PITPNM3: variants seen among roughly 807,000 people sequenced by gnomAD.
PITPNM3 encodes the protein PITPNM family member 3, also known as membrane-associated phosphatidylinositol transfer protein 3.
In PITPNM3, 26 loss-of-function variants were observed where a neutral mutation model predicts 102.0. The ratio of observed to expected loss-of-function variants is 0.25; its 90% CI spans 0.19 to 0.35. PITPNM3 has a LOEUF of 0.35. Among genes scored for constraint, PITPNM3 ranks in the 10% least tolerant of loss-of-function variants. The probability of loss-of-function intolerance (pLI) is 1.00; values close to 1 mark genes in which losing one functional copy is unlikely to be tolerated. For missense variants in PITPNM3, 1,083 were observed against 1,346.1 expected (o/e 0.80, Z 3.06); for synonymous variants, 578 against 558.6 (o/e 1.03, Z -0.49).
chr17:6,511,498 T>C (rs1454735715), intron 3 of PITPNM3, among the ~76,000 whole-genome samples: 1 of 152,214 alleles, frequency 6.6e-6, no homozygotes, highest in African/African-American at 2.4e-5. Context: ...GAGGCAGGAC[T>C]GGTTACATAA....
At chr17:6,490,962 CA>C (rs755419317) in intron 4 of PITPNM3, among the ~76,000 whole-genome samples, 1,298 of 51,660 alleles carry the variant, frequency 0.025, 50 homozygotes, top group African/African-American at 0.087. Flanking sequence ...ACTCTGTCAC[CA>C]AAAAAAAAAA....
At chr17:6,529,059 C>T (rs775416243) in intron 2 of PITPNM3, among the ~76,000 whole-genome samples, 7 of 152,136 alleles carry the variant, frequency 4.6e-5, no homozygotes, top group Non-Finnish European at 8.8e-5. Context: ...ACCTCTGCTT[C>T]GGACATGGTT....
chr17:6,455,081 C>A lies in PITPNM3; in HGVS notation c.*257G>T. On this transcript the variant is annotated 3_prime_UTR_variant, in exon 20 of 20. Coordinates refer to ENST00000262483, the MANE Select transcript of PITPNM3 (RefSeq NM_031220.4). ...CCCCAGGATGACACAAACATGAACC[C>A]TGACTTGGGCTTGCGGTCGCAGGCC... The A allele has an allele frequency of 1.9e-6, 1 of 536,414 alleles. No individual in the cohort carries two copies. The highest frequency in any genetic ancestry group is 3.3e-5 in the East Asian group (1 of 30,500). 33.2% of individuals were successfully genotyped at this position (536,414 alleles called of 1,614,324 possible).
chr17:6,496,973 C>G (rs1189832728), intron 4 of PITPNM3, among the ~76,000 whole-genome samples: 1 of 152,066 alleles, frequency 6.6e-6, no homozygotes, highest in African/African-American at 2.4e-5. Flanking sequence ...TGCACACATA[C>G]AAGTGCAAGG....
chr17:6,481,643 C>CTCTCTGGCCTT (rs1290288126), intron 6 of PITPNM3: 1 of 152,008 alleles, frequency 6.6e-6, no homozygotes, highest in Non-Finnish European at 1.5e-5. Flanking sequence ...CCAGGAAGTC[C>CTCTCTGGCCTT]TCTCTGGCCT....
In PITPNM3 at chr17:6,457,865, C is replaced by A; in HGVS notation, c.2491-143G>T. ...TCCAAGCCATGGGGCCACCCTGTGT[C>A]AGGAATGAACCCTCAGAGTGGCTGC... On this transcript the variant is annotated intron_variant, in intron 18 of 19. Transcript: ENST00000262483. The surrounding 1 kb of genome is among the most constrained non-coding windows in gnomAD (Gnocchi z 4.7). 8.0e-7 allele frequency: 1 copy of A among 1,244,328 alleles called. No individual in the cohort carries two copies. Among genetic ancestry groups the A allele is most frequent in the Non-Finnish European group, 1.1e-6 (1 of 887,154 alleles). 77.1% of individuals were successfully genotyped at this position (1,244,328 alleles called of 1,614,324 possible). A position where few individuals can be genotyped will look rare whatever the true frequency, so the allele number is the denominator to read the frequency against.
intron 1 of PITPNM3, among the ~76,000 whole-genome samples, chr17:6,551,262 C>T (rs972768163): frequency 2.0e-5 from 3 of 151,796 alleles, no homozygotes; most frequent in Non-Finnish European, 2.9e-5. Flanking sequence ...GAGGCTGAGG[C>T]GGGAGAATGG....
In PITPNM3 at chr17:6,464,202, C is replaced by T. The variant is rs766085241; in HGVS notation, c.2124G>A (p.Gly708=). Residue 708 remains glycine, a synonymous_variant, in exon 16 of 20, where the codon GGG becomes GGA. Coordinates refer to ENST00000262483, the MANE Select transcript of PITPNM3 (RefSeq NM_031220.4). ...TYNVPRPRRL[G]VGVYPVKMVV... The stretch of plus-strand genomic sequence containing the variant: ...CCATCTTCACAGGATAGACACCAAC[C>T]CCCAGGCGCCGGGGCCGCGGCACAT... 1.2e-6 allele frequency: 2 copies of T among 1,614,100 alleles called. No individual in the cohort carries two copies. The highest frequency in any genetic ancestry group is 2.2e-5 in the South Asian group (2 of 91,090).
At position 6,470,361 on chromosome 17, in the gene PITPNM3, A is replaced by G; in HGVS notation, c.1672T>C (p.Cys558Arg). 1 of 1,614,186 alleles carries G rather than the reference A, an allele frequency of 6.2e-7. No individual in the cohort carries two copies. Among genetic ancestry groups the G allele is most frequent in the East Asian group, 2.2e-5 (1 of 44,888 alleles). Residue 558 changes from cysteine to arginine, a missense_variant, in exon 13 of 20, where the codon TGC becomes CGC. Cys to Arg is a radical substitution (Grantham distance 180). Transcript: ENST00000262483. The surrounding 1 kb of genome is among the most constrained non-coding windows in gnomAD (Gnocchi z 4.8). ...GGGAAGGCCGTGAGGACATCAGGGC[A>G]GTACAGGGCATAGTCGATCCTCTTG... ...GSKRIDYALYCPDVLTAFPTV... is the reference protein window; with the variant it reads ...GSKRIDYALYRPDVLTAFPTV...
rs1356912899 is a variant in PITPNM3 at position 6,457,734 on chromosome 17, G to C, written c.2491-12C>G. On this transcript the variant is annotated splice_polypyrimidine_tract_variant and intron_variant, in intron 18 of 19. Coordinates refer to ENST00000262483, the MANE Select transcript of PITPNM3 (RefSeq NM_031220.4). This position sits in a 1 kb window ranked among gnomAD's most constrained non-coding sequence, Gnocchi z 4.7. ...ATTTTGATGAAGCACTGAAACACAG[G>C]GCAGGCATAGGGGGAGAGTGAGGCC... is the stretch of plus-strand genomic sequence containing the variant. The C allele has an allele frequency of 6.4e-7, 1 of 1,571,772 alleles. No homozygotes were observed. Among genetic ancestry groups the C allele is most frequent in the Admixed American group, 1.9e-5 (1 of 53,512 alleles).
chr17:6,499,733 T>G (rs1907059047), intron 4 of PITPNM3, among the ~76,000 whole-genome samples: 1 of 151,718 alleles, frequency 6.6e-6, no homozygotes, highest in South Asian at 2.1e-4. Context: ...TATTTATTTA[T>G]ATTTTATTTT....
In PITPNM3 at chr17:6,463,877, C is replaced by T; in HGVS notation, c.2161G>A (p.Asp721Asn). ...AGGTAGCTCATGGCACAGGTCTGGT[C>T]GCCCCTGAAAGAAACCTGCCTGTGG... ...VYPVKMVVRG[D>N]QTCAMSYLTV... The change falls in exon 17 of 20, where the codon GAC becomes AAC. Residue 721 changes from aspartate (D) to asparagine (N), a missense_variant. This residue lies in a region of PITPNM3 where 410 missense variants were observed against 638.4 expected (regional missense o/e 0.64). Coordinates refer to ENST00000262483, the MANE Select transcript of PITPNM3 (RefSeq NM_031220.4). 6.2e-7 allele frequency: 1 copy of T among 1,613,956 alleles called. No homozygotes were observed. Among genetic ancestry groups the T allele is most frequent in the Non-Finnish European group, 8.5e-7 (1 of 1,179,972 alleles).
chr17:6,512,103 T>C lies in PITPNM3; in HGVS notation c.227-8529A>G, dbSNP rs993263105. Among the ~76,000 whole-genome samples the C allele has an allele frequency of 2.6e-5, 4 of 152,330 alleles. No homozygotes were observed. The East Asian group carries it at 7.7e-4, about 29-fold the overall frequency. ...TTGGTCCTCCCCCAACCCCTGCTTA[T>C]GCCAAGCAAAGCATCTGTCCCAAAG... On this transcript the variant is annotated intron_variant, in intron 3 of 19. Transcript: ENST00000262483.
At chr17:6,476,785 C>A (rs554336461) in intron 9 of PITPNM3, among the ~76,000 whole-genome samples, 1 of 152,328 alleles carries the variant, frequency 6.6e-6, no homozygotes, top group African/African-American at 2.4e-5. Context: ...GACGACTGTT[C>A]CCAGTCTCTC....
Position 6,455,463 on chromosome 17 carries a change from G to C in PITPNM3, c.2800C>G (p.Pro934Ala), listed in dbSNP as rs1210893751. ...RRTMSVQQPDPPAANPKPERA... is the reference protein window; with the variant it reads ...RRTMSVQQPDAPAANPKPERA... ...TCGGGCTTGGGGTTGGCGGCGGGCG[G>C]GTCGGGCTGCTGCACTGACATGGTT... The change falls in exon 20 of 20, where the codon CCG (proline) becomes GCG (alanine). Residue 934 changes from proline to alanine, a missense_variant. Pro to Ala is a conservative substitution (Grantham distance 27, BLOSUM62 -1). Transcript: ENST00000262483. 1 of 1,604,666 alleles carries C rather than the reference G, an allele frequency of 6.2e-7. No homozygotes were observed.
chr17:6,465,647 C>T (rs1284441795), intron 14 of PITPNM3, among the ~76,000 whole-genome samples: 11 of 152,220 alleles, frequency 7.2e-5, no homozygotes, highest in Admixed American at 6.5e-4. Context: ...TCCCCAGCCT[C>T]GGCCCCAGCC....
intron 3 of PITPNM3, among the ~76,000 whole-genome samples, chr17:6,508,196 A>G (rs892085449): frequency 5.9e-5 from 9 of 152,176 alleles, no homozygotes; most frequent in African/African-American, 9.7e-5. Flanking sequence ...AGAAGAGGGA[A>G]AATGTCAGAA....
chr17:6,455,664 C>CA (rs750114282), intron 19 of PITPNM3, 21 bp from the exon 20 acceptor site: 4 of 1,404,844 alleles, frequency 2.8e-6, no homozygotes, highest in Non-Finnish European at 2.8e-6. Flanking sequence ...CAGGGGAGGG[C>CA]AGGGGAGGGC....
Position 6,556,427 on chromosome 17 carries a change from G to A in PITPNM3, c.-21C>T. On this transcript the variant is annotated 5_prime_UTR_variant, in exon 1 of 20. Transcript: ENST00000262483. The surrounding 1 kb of genome is among the most constrained non-coding windows in gnomAD (Gnocchi z 5.2). Reference sequence around the variant, plus strand: ...GCCATGTCCCGGGCGGCGGGCTCCGGCGGCGCTACGCGCGCTCCTCGCGCT... The same window carrying A: ...GCCATGTCCCGGGCGGCGGGCTCCGACGGCGCTACGCGCGCTCCTCGCGCT... 7.9e-7 allele frequency: 1 copy of A among 1,262,896 alleles called. No individual in the cohort carries two copies. The highest frequency in any genetic ancestry group is 1.0e-6 in the Non-Finnish European group (1 of 1,003,924). The allele number at this position is 1,262,896 out of a possible 1,614,324, so 78.2% of individuals were successfully genotyped here. A position where few individuals can be genotyped will look rare whatever the true frequency, so the allele number is the denominator to read the frequency against.
Sources: gnomAD v4.1 joint callset for allele counts (sites outside exome capture counted in the v4.1 genomes callset) on GRCh38, gnomAD v4.1.1 for gene constraint, gnomAD v4.1.1 regional missense constraint, Gnocchi (gnomAD v3.1) non-coding constraint, MANE v1.5 for transcripts, NCBI Gene and HGNC (gene_info 2026-07-23, HGNC 2026-07-21) for gene names.